CCT5: variants seen among roughly 807,000 people sequenced by gnomAD.
CCT5 encodes the protein T-complex protein 1 subunit epsilon.
In CCT5, 6 loss-of-function variants were observed where a neutral mutation model predicts 55.0. The ratio of observed to expected loss-of-function variants is 0.11; its 90% CI spans 0.06 to 0.22. CCT5 has a LOEUF of 0.22. Among genes scored for constraint, CCT5 ranks in the 10% least tolerant of loss-of-function variants. The pLI, the probability that CCT5 is intolerant of heterozygous loss-of-function variation, is 1.00. For missense variants in CCT5, 560 were observed against 694.6 expected (o/e 0.81, Z 2.18); for synonymous variants, 231 against 243.7 (o/e 0.95, Z 0.49).
chr5:10,262,738 C>A (rs561746073), intron 9 of CCT5, 120 bp downstream of exon 9: 69 of 1,077,704 alleles, frequency 6.4e-5, no homozygotes, highest in Middle Eastern at 6.0e-4. Context: ...GTGTAGGTGA[C>A]AGGTGTTTTA....
chr5:10,260,708 C>A, intron 6 of CCT5, 84 bp from the exon 7 acceptor site: 2 of 1,484,326 alleles, frequency 1.3e-6, no homozygotes, highest in South Asian at 1.1e-5. Flanking sequence ...TTACACCCAA[C>A]TGTGCCTCTC....
Position 10,264,872 on chromosome 5 carries a change from A to G in CCT5, c.*89A>G. ...TGCATCTACAGTTATTTATTGTTAC[A>G]TCCTTTTCCAGACACTGTAGATGCT... On this transcript the variant is annotated 3_prime_UTR_variant, in exon 11 of 11. Transcript: ENST00000280326. The G allele has an allele frequency of 1.3e-6, 2 of 1,541,724 alleles. No homozygotes were observed. The highest frequency in any genetic ancestry group is 2.3e-5 in the South Asian group (2 of 87,932).
rs890262012 is a variant in CCT5 at position 10,263,134 on chromosome 5, T to G, written c.1318T>G (p.Cys440Gly). The change falls in exon 10 of 11, where the codon TGC becomes GGC. Residue 440 changes from cysteine (C) to glycine (G), a missense_variant and splice_region_variant. Physicochemically the swap from Cys to Gly is radical, Grantham distance 159. Around this residue, in one of 4 missense-constraint regions of CCT5, gnomAD observed 256 missense variants for 372.4 expected, o/e 0.69. Coordinates refer to ENST00000280326, the MANE Select transcript of CCT5 (RefSeq NM_012073.5). ...ALAVSQEADK[C>G]PTLEQYAMRA... ...TCACCATACTTCTGTACCTTTCCAG[T>G]GCCCCACCTTAGAACAGTATGCCAT... 18 of 1,614,038 alleles carry G rather than the reference T, an allele frequency of 1.1e-5. No individual in the cohort carries two copies. The highest frequency in any genetic ancestry group is 1.5e-5 in the Non-Finnish European group (18 of 1,179,992).
intron 3 of CCT5, 81 bp downstream of exon 3, chr5:10,254,919 G>T (rs1003227414): frequency 7.7e-6 from 9 of 1,166,800 alleles, no homozygotes; most frequent in Non-Finnish European, 7.7e-6. Flanking sequence ...TGAGATTGTT[G>T]TCTCTGAATC....
In CCT5 at chr5:10,262,527, T is replaced by C; in HGVS notation, c.1226T>C (p.Ile409Thr). The C allele has an allele frequency of 1.2e-6, 2 of 1,614,232 alleles. No individual in the cohort carries two copies. The highest frequency in any genetic ancestry group is 1.7e-6 in the Non-Finnish European group (2 of 1,180,042). Reference sequence around the variant, plus strand: ...TCCCTTCACGATGCTTTGTGTGTCATCCGGAACCTCATCCGCGATAATCGT... The same window carrying C: ...TCCCTTCACGATGCTTTGTGTGTCACCCGGAACCTCATCCGCGATAATCGT... ...KRSLHDALCVIRNLIRDNRVV... is the reference protein window; with the variant it reads ...KRSLHDALCVTRNLIRDNRVV... The change falls in exon 9 of 11, where the codon ATC becomes ACC. Residue 409 changes from isoleucine (I) to threonine (T), a missense_variant. Around this residue, in one of 4 missense-constraint regions of CCT5, gnomAD observed 256 missense variants for 372.4 expected, o/e 0.69. Transcript: ENST00000280326.
At chr5:10,258,020 T>G in intron 4 of CCT5, 91 bp from the exon 5 acceptor site, 1 of 1,306,612 alleles carries the variant, frequency 7.7e-7, no homozygotes, top group South Asian at 1.2e-5. Flanking sequence ...ATCGTTTGAT[T>G]TATATCTTTG....
upstream of CCT5, chr5:10,250,216 A>T: frequency 6.4e-7 from 1 of 1,557,114 alleles, no homozygotes; most frequent in Non-Finnish European, 8.7e-7. Context: ...CAGTAGAAAC[A>T]TAAGTCCCGC....
chr5:10,263,032 T>G, intron 9 of CCT5, 102 bp from the exon 10 acceptor site: 11 of 943,770 alleles, frequency 1.2e-5, no homozygotes, highest in Non-Finnish European at 1.9e-5. Context: ...CAATTCTTTG[T>G]GAGCTGACTT....
chr5:10,263,335 T>A, intron 10 of CCT5, 21 bp downstream of exon 10: 3 of 1,401,716 alleles, frequency 2.1e-6, no homozygotes, highest in African/African-American at 3.3e-5. Context: ...GTCACGCCTC[T>A]GCGTGGAGGG....
At chr5:10,254,909 T>G (rs2607294) in intron 3 of CCT5, 71 bp downstream of exon 3, 2 of 1,274,286 alleles carry the variant, frequency 1.6e-6, no homozygotes, top group Non-Finnish European at 2.3e-6. Context: ...ACATGCCTGC[T>G]GAGATTGTTG....
In CCT5 at chr5:10,258,196, T is replaced by G. The variant is rs1334450162; in HGVS notation, c.616T>G (p.Phe206Val). 2.5e-6 allele frequency: 4 copies of G among 1,614,086 alleles called. No individual in the cohort carries two copies. Reference protein sequence around the residue: ...VADMERRDVDFELIKVEGKVG... With the variant: ...VADMERRDVDVELIKVEGKVG... ...AGATATGGAGCGGAGAGACGTTGACTTTGAGCTTATCAAAGTAGAAGGCAA... is the reference window on the plus strand; with the variant it reads ...AGATATGGAGCGGAGAGACGTTGACGTTGAGCTTATCAAAGTAGAAGGCAA... The change falls in exon 5 of 11, where the codon TTT becomes GTT. Residue 206 changes from phenylalanine to valine, a missense_variant. Phe to Val is a conservative substitution (Grantham distance 50). This residue lies in a region of CCT5 where 256 missense variants were observed against 372.4 expected (regional missense o/e 0.69). Coordinates refer to ENST00000280326, the MANE Select transcript of CCT5 (RefSeq NM_012073.5).
intron 8 of CCT5, 32 bp downstream of exon 8, chr5:10,261,777 G>A: frequency 3.2e-6 from 5 of 1,578,614 alleles, no homozygotes; most frequent in Non-Finnish European, 4.4e-6. Context: ...CTATACTGTT[G>A]CTTATTTTGC....
rs1440050099 is a variant in CCT5, at chr5:10,256,014, A to G, written c.391A>G (p.Ile131Val). Reference sequence around the variant, plus strand: ...ATTGCTAGACCGAGGCATTCACCCAATCAGAATAGCCGATGGCTATGAGCA... The same window carrying G: ...ATTGCTAGACCGAGGCATTCACCCAGTCAGAATAGCCGATGGCTATGAGCA... ...EQLLDRGIHPIRIADGYEQAA... is the reference protein window; with the variant it reads ...EQLLDRGIHPVRIADGYEQAA... The change falls in exon 4 of 11, where the codon ATC becomes GTC. Residue 131 changes from isoleucine to valine, a missense_variant. Coordinates refer to ENST00000280326, the MANE Select transcript of CCT5 (RefSeq NM_012073.5). 6 of 1,614,224 alleles carry G rather than the reference A, an allele frequency of 3.7e-6. No individual in the cohort carries two copies. The highest frequency in any genetic ancestry group is 5.1e-6 in the Non-Finnish European group (6 of 1,180,024).
chr5:10,253,280 G>A lies in CCT5; in HGVS notation c.106-865G>A, dbSNP rs1745519593. On this transcript the variant is annotated intron_variant, in intron 1 of 10. Transcript: ENST00000280326. ...GGAGGCGGAGGTTGCAGTGAGCTGA[G>A]ATCATGCCACTGCACTCCAGCCTTT... 2.0e-5 allele frequency among the ~76,000 whole-genome samples: 3 copies of A among 150,620 alleles called. No individual in the cohort carries two copies. In the South Asian group the frequency reaches 6.3e-4, roughly 31 times the overall value.
chr5:10,260,133 G>A (rs892716644), intron 6 of CCT5, among the ~76,000 whole-genome samples: 1 of 152,222 alleles, frequency 6.6e-6, no homozygotes, highest in African/African-American at 2.4e-5. Context: ...GCAGTAGCAG[G>A]TAGCCTGGGA....
intron 3 of CCT5, among the ~76,000 whole-genome samples, chr5:10,255,621 A>AG (rs1466443604): frequency 6.6e-6 from 1 of 152,056 alleles, no homozygotes; most frequent in African/African-American, 2.4e-5. Context: ...TCTCATCACC[A>AG]GGCTGAATTT....
intron 7 of CCT5, 68 bp downstream of exon 7, chr5:10,260,979 A>G: frequency 6.5e-7 from 1 of 1,533,512 alleles, no homozygotes; most frequent in South Asian, 1.1e-5. Flanking sequence ...GGGTGTTTTG[A>G]TAGCCCTGCC....
Position 10,262,514 on chromosome 5 carries a change from G to T in CCT5, c.1213G>T (p.Ala405Ser), listed in dbSNP as rs1579457229. Residue 405 changes from alanine (A) to serine (S), a missense_variant, in exon 9 of 11, where the codon GCT becomes TCT. By Grantham distance (99) the Ala-to-Ser change is moderately conservative (BLOSUM62 1). Around this residue, in one of 4 missense-constraint regions of CCT5, gnomAD observed 256 missense variants for 372.4 expected, o/e 0.69. Transcript: ENST00000280326. ...IEEAKRSLHD[A>S]LCVIRNLIRD... ...GGAGGCGAAACGATCCCTTCACGATGCTTTGTGTGTCATCCGGAACCTCAT... is the reference window on the plus strand; with the variant it reads ...GGAGGCGAAACGATCCCTTCACGATTCTTTGTGTGTCATCCGGAACCTCAT... 2 of 1,614,210 alleles carry T rather than the reference G, an allele frequency of 1.2e-6. No homozygotes were observed. The highest frequency in any genetic ancestry group is 1.7e-6 in the Non-Finnish European group (2 of 1,180,032).
At chr5:10,256,674 G>A (rs530735632) in intron 4 of CCT5, among the ~76,000 whole-genome samples, 12 of 118,280 alleles carry the variant, frequency 1.0e-4, no homozygotes, top group East Asian at 2.7e-4. Context: ...GCAACAGAGC[G>A]AGACCCTGTC....
Sources: allele counts gnomAD v4.1 joint callset (sites outside exome capture counted in the v4.1 genomes callset), GRCh38; gene constraint gnomAD v4.1.1; regional missense constraint gnomAD v4.1.1; transcripts MANE v1.5; gene names NCBI Gene and HGNC (gene_info 2026-07-23, HGNC 2026-07-21).